FAF1: variants seen among roughly 807,000 people sequenced by gnomAD.
FAF1 encodes the protein FAS-associated factor 1.
In FAF1, 25 loss-of-function variants were observed where a neutral mutation model predicts 92.5. The observed-to-expected ratio is 0.27, with a 90% CI of 0.20 to 0.38. The LOEUF (loss-of-function observed/expected upper bound fraction) is 0.38, where lower values mean the gene tolerates loss of function less well. FAF1 is among the 10% of genes least tolerant of loss of function. The pLI is 1.00. For synonymous variants in FAF1, 234 were observed against 273.2 expected, an observed-to-expected ratio of 0.86 and a Z score of 1.42; for missense variants, 636 against 793.3, an observed-to-expected ratio of 0.80 and a Z score of 2.38.
At chr1:50,586,693 A>G (rs1651248021) in intron 9 of FAF1, among the ~76,000 whole-genome samples, 1 of 152,184 alleles carries the variant, frequency 6.6e-6, no homozygotes, top group Non-Finnish European at 1.5e-5. Flanking sequence ...GGTTTAAGCT[A>G]GTCAACAGCT....
intron 8 of FAF1, among the ~76,000 whole-genome samples, chr1:50,653,895 T>C (rs772265653): frequency 6.6e-5 from 10 of 152,046 alleles, no homozygotes; most frequent in Non-Finnish European, 1.2e-4. Flanking sequence ...AACAAACTCC[T>C]GACCTCAGGT....
intron 13 of FAF1, among the ~76,000 whole-genome samples, chr1:50,550,316 A>G (rs924656722): frequency 7.0e-6 from 1 of 142,074 alleles, no homozygotes; most frequent in Non-Finnish European, 1.5e-5. Context: ...GCGCCCCTGC[A>G]CTCCAGCCTG....
chr1:50,744,819 C>A lies in FAF1; in HGVS notation c.368-44G>T, dbSNP rs972890433. On this transcript the variant is annotated intron_variant, in intron 4 of 18. Coordinates refer to ENST00000396153, the MANE Select transcript of FAF1 (RefSeq NM_007051.3). The stretch of plus-strand genomic sequence containing the variant: ...ATCAAATATTACTAACAAAATAACA[C>A]AGTTAACATTTGTCCATATCCAGAG... The A allele has an allele frequency of 3.4e-6, 4 of 1,190,502 alleles. No homozygotes were observed. The South Asian group carries it at 4.0e-5, about 12-fold the overall frequency. The allele number at this position is 1,190,502 out of a possible 1,614,324, so 73.7% of individuals were successfully genotyped here. A position where few individuals can be genotyped will look rare whatever the true frequency, so the allele number is the denominator to read the frequency against.
intron 8 of FAF1, among the ~76,000 whole-genome samples, chr1:50,613,501 G>A (rs1392747687): frequency 6.6e-6 from 1 of 152,048 alleles, no homozygotes; most frequent in African/African-American, 2.4e-5. Flanking sequence ...GGGAATTACA[G>A]TAATCCAAAT....
intron 2 of FAF1, among the ~76,000 whole-genome samples, chr1:50,845,392 G>C (rs1352356388): frequency 6.6e-6 from 1 of 152,098 alleles, no homozygotes; most frequent in Non-Finnish European, 1.5e-5. Context: ...GTGTTCAAAG[G>C]CCTCCTGTCC....
At chr1:50,650,691 G>A (rs1000890969) in intron 8 of FAF1, among the ~76,000 whole-genome samples, 5 of 152,070 alleles carry the variant, frequency 3.3e-5, no homozygotes, top group African/African-American at 1.2e-4. Flanking sequence ...TTAAATCCAG[G>A]AATTTAAAAA....
intron 7 of FAF1, among the ~76,000 whole-genome samples, chr1:50,703,883 A>G (rs1425270875): frequency 6.6e-6 from 1 of 152,192 alleles, no homozygotes; most frequent in Non-Finnish European, 1.5e-5. Flanking sequence ...ATAGGATATC[A>G]GGTGTGAGCA....
intron 13 of FAF1, among the ~76,000 whole-genome samples, chr1:50,552,307 A>G (rs998890625): frequency 2.0e-5 from 3 of 151,950 alleles, no homozygotes; most frequent in Non-Finnish European, 4.4e-5. Context: ...CAAAAAAAAA[A>G]AAAAAAACTT....
chr1:50,747,060 C>G (rs758365680), intron 4 of FAF1, among the ~76,000 whole-genome samples: 2 of 152,316 alleles, frequency 1.3e-5, no homozygotes, highest in South Asian at 4.1e-4. Context: ...GATGTCCAGG[C>G]AGAAGCCCTC....
At chr1:50,545,367 C>T (rs369015554) in intron 13 of FAF1, among the ~76,000 whole-genome samples, 3 of 152,072 alleles carry the variant, frequency 2.0e-5, no homozygotes, top group African/African-American at 7.2e-5. Context: ...CTCCGCCTCC[C>T]GAGTGATTCT....
intron 13 of FAF1, among the ~76,000 whole-genome samples, chr1:50,541,206 T>C (rs997153649): frequency 1.2e-4 from 18 of 152,194 alleles, no homozygotes; most frequent in African/African-American, 4.1e-4. Context: ...GCTATGACTA[T>C]AGAAAGTAGG....
intron 7 of FAF1, among the ~76,000 whole-genome samples, chr1:50,701,613 A>G (rs574625952): frequency 3.2e-4 from 48 of 152,202 alleles, no homozygotes; most frequent in African/African-American, 1.1e-3. Context: ...AGAATAATAG[A>G]CACAACATAC....
chr1:50,854,443 G>A (rs1399221604), intron 2 of FAF1, among the ~76,000 whole-genome samples: 1 of 151,930 alleles, frequency 6.6e-6, no homozygotes, highest in Non-Finnish European at 1.5e-5. Context: ...TGTGAAAAAT[G>A]GTAACAGTCA....
intron 12 of FAF1, among the ~76,000 whole-genome samples, chr1:50,577,261 A>G (rs1488227936): frequency 6.6e-6 from 1 of 152,220 alleles, no homozygotes; most frequent in African/African-American, 2.4e-5. Flanking sequence ...GCGGTAGCTC[A>G]TGCCTGTAAT....
rs79796073 is a variant in FAF1 at position 50,520,946 on chromosome 1, T to C, written c.1494+14423A>G. 7.2e-4 allele frequency among the ~76,000 whole-genome samples: 109 copies of C among 152,354 alleles called. 5 individuals carry two copies. The East Asian group carries it at 0.02, about 28-fold the overall frequency. ...TCATATAACAAATCTTTGCTAGGGA[T>C]ACTTTTTGTAAGGATATGCTTTGGT... On this transcript the variant is annotated intron_variant, in intron 15 of 18. Coordinates refer to ENST00000396153, the MANE Select transcript of FAF1 (RefSeq NM_007051.3).
chr1:50,673,454 T>A lies in FAF1; in HGVS notation c.658-17926A>T, dbSNP rs181794095. ...TGAGTACCTAATAGCAGGAAGGTAT[T>A]ATTTTGTAGTAGTGACTAAAAGAGA... On this transcript the variant is annotated intron_variant, in intron 7 of 18. Transcript: ENST00000396153. Among the ~76,000 whole-genome samples, 5 of 152,290 alleles carry A rather than the reference T, an allele frequency of 3.3e-5. No individual in the cohort carries two copies. The East Asian group carries it at 9.6e-4, about 29-fold the overall frequency.
chr1:50,858,571 TAA>T (rs1170687153), intron 1 of FAF1, among the ~76,000 whole-genome samples: 3 of 151,868 alleles, frequency 2.0e-5, no homozygotes, highest in Admixed American at 1.3e-4. Context: ...GCACCAAAAT[TAA>T]AAATGTAAGC....
At chr1:50,448,464 C>G (rs989964125) in intron 18 of FAF1, among the ~76,000 whole-genome samples, 3 of 152,056 alleles carry the variant, frequency 2.0e-5, no homozygotes, top group Non-Finnish European at 4.4e-5. Context: ...TTTATGTATC[C>G]ACATGGAGTG....
At chr1:50,796,671 G>T (rs1661763259) in intron 3 of FAF1, among the ~76,000 whole-genome samples, 1 of 151,984 alleles carries the variant, frequency 6.6e-6, no homozygotes, top group Non-Finnish European at 1.5e-5. Context: ...CTTTCCCTGG[G>T]CTCCTTTCCT....
Sources: allele counts gnomAD v4.1 joint callset (sites outside exome capture counted in the v4.1 genomes callset), GRCh38; gene constraint gnomAD v4.1.1; transcripts MANE v1.5; gene names NCBI Gene and HGNC (gene_info 2026-07-23, HGNC 2026-07-21).